Variants in RAD51B observed in about 807,000 individuals in gnomAD.
RAD51B encodes the protein RAD51 paralog B, also known as DNA repair protein RAD51 homolog 2.
Under a neutral mutation model 42.2 loss-of-function variants are expected in RAD51B, and 38 were observed. The observed-to-expected ratio is 0.90, with a 90% CI of 0.70 to 1.18. The LOEUF is 1.18. RAD51B is among the 50% of genes most tolerant of loss of function. RAD51B has a pLI of 0.00. For synonymous variants in RAD51B, 154 were observed against 145.2 expected, an observed-to-expected ratio of 1.06 and a Z score of -0.43; for missense variants, 373 against 400.7, an observed-to-expected ratio of 0.93 and a Z score of 0.59.
chr14:68,537,835 C>T (rs1469721535), intron 10 of RAD51B, among the ~76,000 whole-genome samples: 1 of 151,724 alleles, frequency 6.6e-6, no homozygotes, highest in Non-Finnish European at 1.5e-5. Context: ...CATGTGTAAT[C>T]TCATTTTAGT....
chr14:67,930,923 T>TC (rs1471795348), intron 7 of RAD51B, among the ~76,000 whole-genome samples: 4 of 150,758 alleles, frequency 2.7e-5, no homozygotes, highest in African/African-American at 9.9e-5. Context: ...ATTTCTTTTT[T>TC]TTTTTTCTTT....
intron 10 of RAD51B, among the ~76,000 whole-genome samples, chr14:68,490,841 A>G (rs1184800727): frequency 6.6e-6 from 1 of 152,170 alleles, no homozygotes; most frequent in Non-Finnish European, 1.5e-5. Flanking sequence ...AGCAGAGAGA[A>G]AGATGGACCT....
chr14:67,907,477 A>G (rs1298632531), intron 7 of RAD51B, among the ~76,000 whole-genome samples: 1 of 152,098 alleles, frequency 6.6e-6, no homozygotes, highest in Non-Finnish European at 1.5e-5. Context: ...TTTCTGCTCC[A>G]TGATGTCTGA....
intron 9 of RAD51B, among the ~76,000 whole-genome samples, chr14:68,415,031 C>CAA (rs71129885): frequency 0.27 from 8,719 of 32,472 alleles, 2,557 homozygotes; most frequent in South Asian, 0.48. Context: ...GACTCTGTCT[C>CAA]AAAAAAAAAA....
intron 10 of RAD51B, among the ~76,000 whole-genome samples, chr14:68,588,409 T>C (rs573621087): frequency 1.3e-5 from 2 of 152,326 alleles, no homozygotes; most frequent in East Asian, 3.9e-4. Context: ...CACTTTTTTA[T>C]TTTCTGGGGA....
chr14:68,672,161 C>T (rs535124729), intron 11 of RAD51B, among the ~76,000 whole-genome samples: 39 of 152,336 alleles, frequency 2.6e-4, no homozygotes, highest in African/African-American at 9.1e-4. Context: ...GAGACCCAGA[C>T]GTTCTGTTTT....
chr14:68,609,608 G>A (rs1223878335), intron 10 of RAD51B, among the ~76,000 whole-genome samples: 4 of 152,190 alleles, frequency 2.6e-5, no homozygotes, highest in Non-Finnish European at 5.9e-5. Flanking sequence ...GAAGCTGTGT[G>A]GCAGCAGGAT....
intron 9 of RAD51B, among the ~76,000 whole-genome samples, chr14:68,416,783 A>G (rs1358262649): frequency 6.6e-6 from 1 of 152,168 alleles, no homozygotes; most frequent in African/African-American, 2.4e-5. Flanking sequence ...CTGGAATCTT[A>G]TGGGATAGCC....
chr14:68,176,854 A>T (rs1259178652), intron 7 of RAD51B, among the ~76,000 whole-genome samples: 1 of 152,138 alleles, frequency 6.6e-6, no homozygotes. Context: ...AGGCTTCTGG[A>T]TTGTTTCAGT....
intron 11 of RAD51B, among the ~76,000 whole-genome samples, chr14:68,664,146 T>C: frequency 6.6e-6 from 1 of 152,224 alleles, no homozygotes; most frequent in East Asian, 1.9e-4. Context: ...GTTGCTGTTA[T>C]TTTATTAGCT....
chr14:68,635,067 C>T (rs1892314668), intron 10 of RAD51B, among the ~76,000 whole-genome samples: 2 of 152,168 alleles, frequency 1.3e-5, no homozygotes, highest in African/African-American at 2.4e-5. Context: ...CCTTATCTTC[C>T]AGCACTCACC....
At chr14:68,484,283 A>G (rs1594899640) in intron 10 of RAD51B, among the ~76,000 whole-genome samples, 1 of 152,228 alleles carries the variant, frequency 6.6e-6, no homozygotes, top group Non-Finnish European at 1.5e-5. Context: ...TCTTCAGACA[A>G]TAATTCAGCT....
At chr14:68,543,593 T>C (rs1888075299) in intron 10 of RAD51B, among the ~76,000 whole-genome samples, 1 of 152,200 alleles carries the variant, frequency 6.6e-6, no homozygotes, top group Non-Finnish European at 1.5e-5. Flanking sequence ...TTGTCTTGAG[T>C]TGGAACTAGG....
chr14:68,303,422 C>T (rs1376723012), intron 8 of RAD51B, among the ~76,000 whole-genome samples: 2 of 145,892 alleles, frequency 1.4e-5, no homozygotes, highest in African/African-American at 2.6e-5. Context: ...CAAACCTGCA[C>T]GTTCTGCACA....
intron 7 of RAD51B, among the ~76,000 whole-genome samples, chr14:68,240,000 G>A (rs1475776786): frequency 6.6e-6 from 1 of 152,234 alleles, no homozygotes; most frequent in Non-Finnish European, 1.5e-5. Context: ...GTCTGTCCAT[G>A]AGAACATCCA....
chr14:67,941,692 AAAC>A, intron 7 of RAD51B, among the ~76,000 whole-genome samples: 1 of 152,190 alleles, frequency 6.6e-6, no homozygotes, highest in South Asian at 2.1e-4. Context: ...AAGTTGTTTT[AAAC>A]AGGATTGGAC....
intron 2 of RAD51B, among the ~76,000 whole-genome samples, chr14:67,824,084 T>A (rs1464727921): frequency 2.6e-5 from 4 of 152,164 alleles, no homozygotes; most frequent in Admixed American, 2.6e-4. Context: ...AAGGTTTTGG[T>A]TGGTTGTTTT....
intron 10 of RAD51B, among the ~76,000 whole-genome samples, chr14:68,633,876 G>T (rs901943711): frequency 6.6e-6 from 1 of 152,248 alleles, no homozygotes; most frequent in African/African-American, 2.4e-5. Context: ...TCCAGCAAGT[G>T]AGGTATGAGA....
chr14:68,003,556 T>A (rs546508371), intron 7 of RAD51B, among the ~76,000 whole-genome samples: 1 of 152,332 alleles, frequency 6.6e-6, no homozygotes, highest in East Asian at 1.9e-4. Flanking sequence ...CAGTACTACA[T>A]TGAATAGGAA....
Sources: allele counts gnomAD v4.1 joint callset (sites outside exome capture counted in the v4.1 genomes callset), GRCh38; gene constraint gnomAD v4.1.1; transcripts MANE v1.5; gene names NCBI Gene and HGNC (gene_info 2026-07-23, HGNC 2026-07-21).